The following DOP1A variants were observed in gnomAD, a reference collection of about 807,000 sequenced individuals.
DOP1A encodes DOP1 leucine zipper like protein A.
In DOP1A, 90 loss-of-function variants were observed where a neutral mutation model predicts 267.6. The observed-to-expected ratio is 0.34, with a 90% CI of 0.28 to 0.40. DOP1A has a LOEUF of 0.40. Among genes scored for constraint, DOP1A ranks in the 10% least tolerant of loss-of-function variants. The pLI is 1.00. For synonymous variants in DOP1A, 932 were observed against 999.1 expected (o/e 0.93, Z 1.27); for missense variants, 2,437 against 2,900.4 (o/e 0.84, Z 3.67).
At chr6:83,139,194 G>C (rs1300307473) in intron 21 of DOP1A, 32 bp downstream of exon 21, 2 of 1,519,106 alleles carry the variant, frequency 1.3e-6, no homozygotes, top group South Asian at 2.4e-5. Flanking sequence ...TATTGGTACT[G>C]ACATTTTTCA....
At position 83,138,961 on chromosome 6, in the gene DOP1A, TC is replaced by T; in HGVS notation, c.4921del (p.Leu1641SerfsTer4). 1 of 1,614,116 alleles carries T rather than the reference TC, an allele frequency of 6.2e-7. No individual in the cohort carries two copies. The highest frequency in any genetic ancestry group is 8.5e-7 in the Non-Finnish European group (1 of 1,179,984). On this transcript the variant is annotated frameshift_variant, in exon 21 of 39. Transcript: ENST00000349129. LOFTEE classifies it high-confidence loss of function. ...CAGCCAATCACATGTCAAGGCATGT[TC>T]CTCTGTGCAGTGATACGAGCTTTGC... ...HAQPITCQGM[F>X]LCAVIRALHQ...
Position 83,096,953 on chromosome 6 carries a change from G to T in DOP1A, c.-25G>T, listed in dbSNP as rs1328223945. ...ATGACTTTACATGAGTTTGGAACTG[G>T]TCTCTAGTGGGAAGTTGTGGGAGGA... On this transcript the variant is annotated 5_prime_UTR_variant, in exon 3 of 39. Coordinates refer to ENST00000349129, the MANE Select transcript of DOP1A (RefSeq NM_015018.4). 6.2e-7 allele frequency: 1 copy of T among 1,611,912 alleles called. No homozygotes were observed. The highest frequency in any genetic ancestry group is 8.5e-7 in the Non-Finnish European group (1 of 1,178,982).
At position 83,076,111 on chromosome 6, in the gene DOP1A, A is replaced by G. The variant is rs76617795; in HGVS notation, c.-147+8332A>G. Among the ~76,000 whole-genome samples the G allele has an allele frequency of 2.3e-3, 358 of 152,356 alleles. 9 individuals are homozygous for G. In the East Asian group the frequency reaches 0.035, roughly 15 times the overall value. On this transcript the variant is annotated intron_variant, in intron 1 of 38. Coordinates refer to ENST00000349129, the MANE Select transcript of DOP1A (RefSeq NM_015018.4). Reference sequence around the variant, plus strand: ...GATAAGAGGCTAATACCCAGAATATATAAAGAAAGAGCTACTCTTACAGTT... The same window carrying G: ...GATAAGAGGCTAATACCCAGAATATGTAAAGAAAGAGCTACTCTTACAGTT...
intron 17 of DOP1A, among the ~76,000 whole-genome samples, chr6:83,131,906 G>C (rs1029991863): frequency 1.4e-4 from 22 of 152,102 alleles, no homozygotes; most frequent in Admixed American, 2.6e-4. Flanking sequence ...CAAGATGCTG[G>C]GATTACAGCC....
intron 1 of DOP1A, chr6:83,073,048 A>C: frequency 3.5e-6 from 1 of 287,212 alleles, no homozygotes; most frequent in South Asian, 3.1e-5. Context: ...CATATTATAT[A>C]CAGCATTACC....
chr6:83,103,633 A>G (rs993293311), intron 4 of DOP1A, among the ~76,000 whole-genome samples: 2 of 152,068 alleles, frequency 1.3e-5, no homozygotes, highest in Non-Finnish European at 2.9e-5. Context: ...ACCATTTTTC[A>G]TATTTTCTAA....
At chr6:83,162,975 AG>A (rs1300592275) in intron 38 of DOP1A, 56 bp downstream of exon 38, 74 of 1,534,146 alleles carry the variant, frequency 4.8e-5, no homozygotes, top group Non-Finnish European at 6.3e-5. Context: ...TGCATTAGTG[AG>A]GTATTTATTA....
chr6:83,078,668 ATTCTGACAACAGAGGTAC>A (rs1767554194), intron 1 of DOP1A, among the ~76,000 whole-genome samples: 1 of 152,216 alleles, frequency 6.6e-6, no homozygotes. Context: ...TTGGAGTGAT[ATTCTGACAACAGAGGTAC>A]TGTGAAATGG....
Position 83,111,660 on chromosome 6 carries a change from G to A in DOP1A, c.681+1346G>A, listed in dbSNP as rs529119970. 9.2e-5 allele frequency among the ~76,000 whole-genome samples: 14 copies of A among 152,120 alleles called. No individual in the cohort carries two copies. The East Asian group carries it at 1.2e-3, about 13-fold the overall frequency. ...TTGTGGTTGGTTATTGGCTATTTGT[G>A]TATCTTCTTTGGATAAATTTCTATT... On this transcript the variant is annotated intron_variant, in intron 6 of 38. Coordinates refer to ENST00000349129, the MANE Select transcript of DOP1A (RefSeq NM_015018.4).
intron 7 of DOP1A, among the ~76,000 whole-genome samples, chr6:83,116,482 G>A (rs547845551): frequency 1.3e-5 from 2 of 152,252 alleles, no homozygotes; most frequent in East Asian, 3.9e-4. Context: ...TTTAAGCCCA[G>A]TATTGAGAAG....
At position 83,118,882 on chromosome 6, in the gene DOP1A, T is replaced by A; in HGVS notation, c.781-6T>A. 6.2e-7 allele frequency: 1 copy of A among 1,613,058 alleles called. No homozygotes were observed. Among genetic ancestry groups the A allele is most frequent in the Non-Finnish European group, 8.5e-7 (1 of 1,179,414 alleles). ...CTAAGTACAACCATATTCCTAACTC[T>A]TTCAGGCCACTCGACCGGATATGAT... On this transcript the variant is annotated splice_region_variant and splice_polypyrimidine_tract_variant and intron_variant, in intron 7 of 38. Transcript: ENST00000349129.
At position 83,132,310 on chromosome 6, in the gene DOP1A, G is replaced by C; in HGVS notation, c.2751G>C (p.Gln917His). Residue 917 changes from glutamine (Q) to histidine (H), a missense_variant, in exon 18 of 39, where the codon CAG (glutamine) becomes CAC (histidine). Gln to His is a conservative substitution (Grantham distance 24). This residue lies in a region of DOP1A where 878 missense variants were observed against 992.9 expected (regional missense o/e 0.88). Coordinates refer to ENST00000349129, the MANE Select transcript of DOP1A (RefSeq NM_015018.4). ...SSICEDVISQQLTHKDKKIRM... is the reference protein window; with the variant it reads ...SSICEDVISQHLTHKDKKIRM... ...TCTGTGAGGATGTTATAAGTCAGCA[G>C]TTAACCCATAAAGATAAGGTAAATC... is the stretch of plus-strand genomic sequence containing the variant. 1 of 1,609,704 alleles carries C rather than the reference G, an allele frequency of 6.2e-7. No individual in the cohort carries two copies. The highest frequency in any genetic ancestry group is 8.5e-7 in the Non-Finnish European group (1 of 1,178,574).
rs940939623 is a variant in DOP1A, at chr6:83,165,055, T to G, written c.7092+2136T>G. 18 of 223,034 alleles carry G rather than the reference T, an allele frequency of 8.1e-5. No homozygotes were observed. The Admixed American group carries it at 9.2e-4, about 11-fold the overall frequency. The allele number at this position is 223,034 out of a possible 1,614,324, so 13.8% of individuals were successfully genotyped here. On this transcript the variant is annotated intron_variant, in intron 38 of 38. Coordinates refer to ENST00000349129, the MANE Select transcript of DOP1A (RefSeq NM_015018.4). ...GGTTACCCCATAGTTCTCTTACATTTGGAAGTTAGCTATATAGAGGGTACA... is the reference window on the plus strand; with the variant it reads ...GGTTACCCCATAGTTCTCTTACATTGGGAAGTTAGCTATATAGAGGGTACA...
At chr6:83,128,799 T>C (rs1777586697) in intron 15 of DOP1A, 88 bp from the exon 16 acceptor site, 4 of 1,440,514 alleles carry the variant, frequency 2.8e-6, no homozygotes, top group Non-Finnish European at 3.7e-6. Context: ...TTGTGAATAG[T>C]CTAAAACATC....
At chr6:83,156,588 A>T (rs2128374293) in intron 34 of DOP1A, among the ~76,000 whole-genome samples, 1 of 152,290 alleles carries the variant, frequency 6.6e-6, no homozygotes, top group East Asian at 1.9e-4. Context: ...GGATATCAGT[A>T]CACGTGTCAT....
At chr6:83,114,890 T>TC (rs1407393584) in intron 7 of DOP1A, among the ~76,000 whole-genome samples, 3 of 152,218 alleles carry the variant, frequency 2.0e-5, no homozygotes, top group African/African-American at 7.2e-5. Context: ...AATACTTTTC[T>TC]CCCCACTATG....
chr6:83,070,506 T>C (rs1785403994), intron 1 of DOP1A, among the ~76,000 whole-genome samples: 1 of 152,186 alleles, frequency 6.6e-6, no homozygotes, highest in African/African-American at 2.4e-5. Context: ...TAAGTTTTAG[T>C]AGATATATAT....
At chr6:83,110,426 C>G in intron 6 of DOP1A, 112 bp downstream of exon 6, 1 of 1,097,522 alleles carries the variant, frequency 9.1e-7, no homozygotes, top group East Asian at 2.7e-5. Flanking sequence ...TTTCATCGAG[C>G]TTACATTTAT....
intron 37 of DOP1A, chr6:83,161,267 GTTATA>G (rs1328173580): frequency 1.3e-5 from 2 of 151,980 alleles, no homozygotes; most frequent in Non-Finnish European, 2.9e-5. Flanking sequence ...GAAACATGCC[GTTATA>G]TTAATTAGTT....
Sources: gnomAD v4.1 joint callset for allele counts (sites outside exome capture counted in the v4.1 genomes callset) on GRCh38, gnomAD v4.1.1 for gene constraint, gnomAD v4.1.1 regional missense constraint, MANE v1.5 for transcripts, NCBI Gene and HGNC (gene_info 2026-07-23, HGNC 2026-07-21) for gene names.